Variants in OR14A16 observed in about 807,000 individuals in gnomAD.
OR14A16 encodes olfactory receptor 14A16.
For missense variants in OR14A16, 341 were observed against 366.5 expected (o/e 0.93, Z 0.57); for synonymous variants, 135 against 137.6 (o/e 0.98, Z 0.13).
intron 1 of OR14A16, among the ~76,000 whole-genome samples, chr1:247,821,132 A>T (rs183235841): frequency 3.9e-5 from 6 of 152,382 alleles, no homozygotes; most frequent in African/African-American, 1.4e-4. Context: ...GATACTTGAT[A>T]TGATTTCATT....
Position 247,815,467 on chromosome 1 carries a change from T to C in OR14A16, c.263A>G (p.Asn88Ser), listed in dbSNP as rs774475321. 9 of 1,613,216 alleles carry C rather than the reference T, an allele frequency of 5.6e-6. No individual in the cohort carries two copies. The highest frequency in any genetic ancestry group is 7.6e-6 in the Non-Finnish European group (9 of 1,179,852). The change falls in exon 3 of 3, where the codon AAC becomes AGC. Residue 88 changes from asparagine to serine, a missense_variant. Physicochemically the swap from Asn to Ser is conservative, Grantham distance 46 (BLOSUM62 1). Transcript: ENST00000641093. ...KSIANSLIHNNSISFLGCVSQ... is the reference protein window; with the variant it reads ...KSIANSLIHNSSISFLGCVSQ... ...AACACAGCCAAGGAATGAAATGGAG[T>C]TGTTGTGTATCAAAGAATTGGCGAT...
At chr1:247,819,284 A>G (rs1662683594) in intron 1 of OR14A16, 107 bp from the exon 2 acceptor site, 1 of 152,218 alleles carries the variant, frequency 6.6e-6, no homozygotes, top group Non-Finnish European at 1.5e-5. Context: ...GTGTGTGAGG[A>G]GCAGAGGAAA....
chr1:247,817,708 T>A (rs927979895), intron 2 of OR14A16, among the ~76,000 whole-genome samples: 5 of 152,172 alleles, frequency 3.3e-5, no homozygotes, highest in Admixed American at 3.3e-4. Context: ...TTCACATTTT[T>A]TTTTTAAGAT....
At chr1:247,819,399 A>C (rs34714637) in intron 1 of OR14A16, among the ~76,000 whole-genome samples, 1 of 7,332 alleles carries the variant, frequency 1.4e-4, no homozygotes, top group Non-Finnish European at 2.7e-3. Context: ...GAGCAGATTT[A>C]AAAAAAAAAG....
chr1:247,815,809 T>C (rs763778071), intron 2 of OR14A16, 65 bp from the exon 3 acceptor site: 11 of 643,350 alleles, frequency 1.7e-5, no homozygotes, highest in Admixed American at 3.0e-5. Context: ...TAAATATATA[T>C]AACACATATA....
At chr1:247,821,795 G>T (rs1217184790) in intron 1 of OR14A16, among the ~76,000 whole-genome samples, 1 of 145,954 alleles carries the variant, frequency 6.9e-6, no homozygotes, top group African/African-American at 2.5e-5. Flanking sequence ...GTTCTTTTGT[G>T]TGTTTTTAAA....
chr1:247,815,780 A>G, intron 2 of OR14A16, 36 bp from the exon 3 acceptor site: 1 of 846,594 alleles, frequency 1.2e-6, no homozygotes, highest in South Asian at 1.7e-5. Flanking sequence ...TAAAATATCA[A>G]TGTCCACTCT....
chr1:247,821,473 T>C (rs1398990507), intron 1 of OR14A16, among the ~76,000 whole-genome samples: 4 of 152,262 alleles, frequency 2.6e-5, no homozygotes, highest in African/African-American at 9.6e-5. Flanking sequence ...GCAATTGTTA[T>C]ATCTTCTTGA....
At position 247,815,368 on chromosome 1, in the gene OR14A16, T is replaced by G; in HGVS notation, c.362A>C (p.Tyr121Ser). 1 of 1,613,930 alleles carries G rather than the reference T, an allele frequency of 6.2e-7. No individual in the cohort carries two copies. The highest frequency in any genetic ancestry group is 8.5e-7 in the Non-Finnish European group (1 of 1,179,986). Reference sequence around the variant, plus strand: ...GTGCAGAGGGTGACATATAGCAGTATAGCGGTCAAAGGACATCACCGTGAG... The same window carrying G: ...GTGCAGAGGGTGACATATAGCAGTAGAGCGGTCAAAGGACATCACCGTGAG... ...LLLTVMSFDRYTAICHPLHYD... is the reference protein window; with the variant it reads ...LLLTVMSFDRSTAICHPLHYD... The change falls in exon 3 of 3, where the codon TAT (tyrosine) becomes TCT (serine). Residue 121 changes from tyrosine to serine, a missense_variant. Coordinates refer to ENST00000641093, the MANE Select transcript of OR14A16 (RefSeq NM_001001966.2).
chr1:247,819,559 TTATC>T (rs1297791012), intron 1 of OR14A16, among the ~76,000 whole-genome samples: 2 of 152,192 alleles, frequency 1.3e-5, no homozygotes, highest in Non-Finnish European at 2.9e-5. Flanking sequence ...TTTTGTCTTA[TTATC>T]TATTTATTTT....
At chr1:247,819,759 C>A (rs925784244) in intron 1 of OR14A16, among the ~76,000 whole-genome samples, 1 of 152,082 alleles carries the variant, frequency 6.6e-6, no homozygotes, top group African/African-American at 2.4e-5. Context: ...TTGTTATGGT[C>A]CTCATGCTGT....
chr1:247,820,158 T>C (rs932840837), intron 1 of OR14A16, among the ~76,000 whole-genome samples: 1 of 152,240 alleles, frequency 6.6e-6, no homozygotes. Context: ...TCTGTGTTTA[T>C]CTGGAACACG....
chr1:247,816,039 A>G (rs778561855), intron 2 of OR14A16, among the ~76,000 whole-genome samples: 8 of 152,182 alleles, frequency 5.3e-5, no homozygotes, highest in Admixed American at 2.0e-4. Context: ...AAAATTTTCT[A>G]CGGATGTTAT....
rs377153461 is a variant in OR14A16 at position 247,820,225 on chromosome 1, T to C, written c.-130-1048A>G. Among the ~76,000 whole-genome samples, 8 of 152,306 alleles carry C rather than the reference T, an allele frequency of 5.3e-5. No individual in the cohort carries two copies. In the East Asian group the frequency reaches 9.6e-4, roughly 18 times the overall value. ...TTGTCAGGATTCAGTATCAGAGTAA[T>C]ACTGGCCTCATAACATGATTTTAGA... On this transcript the variant is annotated intron_variant, in intron 1 of 2. Transcript: ENST00000641093.
rs774862927 is a variant in OR14A16, at chr1:247,815,544, C to T, written c.186G>A (p.Lys62=). 8.1e-6 allele frequency: 13 copies of T among 1,613,950 alleles called. No homozygotes were observed. Among genetic ancestry groups the T allele is most frequent in the South Asian group, 2.2e-5 (2 of 91,074 alleles). The change falls in exon 3 of 3, where the codon AAG becomes AAA. Residue 62 remains lysine, a synonymous_variant. Coordinates refer to ENST00000641093, the MANE Select transcript of OR14A16 (RefSeq NM_001001966.2). ...GGCAGAGATCCAAGAAAGATAGATT[C>T]TTCAAGAAGAAATACACGGGGGTGT... The part of the protein sequence containing the change: ...HLHTPVYFFL[K]NLSFLDLCLI...
chr1:247,821,167 A>G (rs12129310), intron 1 of OR14A16, among the ~76,000 whole-genome samples: 22,183 of 152,246 alleles, frequency 0.15, 1,881 homozygotes, highest in Non-Finnish European at 0.19. Context: ...TAAAAATCAC[A>G]TTGTGGCCTA....
rs1191713795 is a variant in OR14A16 at position 247,815,814 on chromosome 1, CAT to C, written c.-15-72_-15-71del. The C allele has an allele frequency of 1.4e-5, 9 of 624,220 alleles. No individual in the cohort carries two copies. In the East Asian group the frequency reaches 2.0e-4, roughly 14 times the overall value. 38.7% of individuals were successfully genotyped at this position (624,220 alleles called of 1,614,324 possible). A position where few individuals can be genotyped will look rare whatever the true frequency, so the allele number is the denominator to read the frequency against. On this transcript the variant is annotated intron_variant, in intron 2 of 2. Transcript: ENST00000641093. ...CTTTAAATATTAAATATATATAACACATATATTATTTAGCATACTGAAACACA... is the reference window on the plus strand; with the variant it reads ...CTTTAAATATTAAATATATATAACACATATTATTTAGCATACTGAAACACA...
chr1:247,815,991 T>C (rs1662615296), intron 2 of OR14A16, among the ~76,000 whole-genome samples: 1 of 152,196 alleles, frequency 6.6e-6, no homozygotes, highest in South Asian at 2.1e-4. Context: ...AGTTATAATA[T>C]TATCCAAATA....
rs1662577773 is a variant in OR14A16 at position 247,814,924 on chromosome 1, G to A, written c.806C>T (p.Ala269Val). ...PASESPSILDAVISVFYTMLP... is the reference protein window; with the variant it reads ...PASESPSILDVVISVFYTMLP... ...CATAGTGTAGAACACAGAAATTACA[G>A]CATCCAAAATAGAAGGAGACTCTGA... The change falls in exon 3 of 3, where the codon GCT becomes GTT. Residue 269 changes from alanine to valine, a missense_variant. By Grantham distance (64) the Ala-to-Val change is moderately conservative. Coordinates refer to ENST00000641093, the MANE Select transcript of OR14A16 (RefSeq NM_001001966.2). 1.2e-6 allele frequency: 2 copies of A among 1,613,680 alleles called. No homozygotes were observed. The highest frequency in any genetic ancestry group is 2.2e-5 in the East Asian group (1 of 44,848).
Sources: gnomAD v4.1 joint callset for allele counts (sites outside exome capture counted in the v4.1 genomes callset) on GRCh38, gnomAD v4.1.1 for gene constraint, MANE v1.5 for transcripts, NCBI Gene and HGNC (gene_info 2026-07-23, HGNC 2026-07-21) for gene names.